KLHDC2: variants seen among roughly 807,000 people sequenced by gnomAD.
The protein encoded by KLHDC2 is kelch domain-containing protein 2.
In KLHDC2, 38 loss-of-function variants were observed where a neutral mutation model predicts 62.3. The ratio of observed to expected loss-of-function variants is 0.61; its 90% CI spans 0.47 to 0.80. The LOEUF (loss-of-function observed/expected upper bound fraction) is 0.80, where lower values mean the gene tolerates loss of function less well. KLHDC2 is among the 30% of genes least tolerant of loss of function. KLHDC2 has a pLI of 0.00. For synonymous variants in KLHDC2, 159 were observed against 161.0 expected, an observed-to-expected ratio of 0.99 and a Z score of 0.09; for missense variants, 430 against 495.3, an observed-to-expected ratio of 0.87 and a Z score of 1.25.
At position 49,768,840 on chromosome 14, in the gene KLHDC2, A is replaced by T. The variant is rs546339562; in HGVS notation, c.153+219A>T. The T allele has an allele frequency of 1.0e-4, 51 of 506,026 alleles. No individual in the cohort carries two copies. In the Middle Eastern group the frequency reaches 2.6e-3, roughly 26 times the overall value. 31.3% of individuals were successfully genotyped at this position (506,026 alleles called of 1,614,324 possible). The stretch of plus-strand genomic sequence containing the variant: ...GTCTCGAACCTCCAGGGCTGCTGTC[A>T]TGTCACCCTGGTGCTCACAAAGCCA... On this transcript the variant is annotated intron_variant, in intron 1 of 12. Transcript: ENST00000298307.
In KLHDC2 at chr14:49,778,247, A is replaced by G. The variant is rs1336377084; in HGVS notation, c.537A>G (p.Glu179=). The G allele has an allele frequency of 6.2e-7, 1 of 1,605,456 alleles. No homozygotes were observed. Among genetic ancestry groups the G allele is most frequent in the South Asian group, 1.1e-5 (1 of 90,170 alleles). The change falls in exon 5 of 13, where the codon GAA becomes GAG. Residue 179 remains glutamate, a synonymous_variant. Transcript: ENST00000298307. ...TATTGGGAACTTTTGAATTCGATGA[A>G]ACATCTTTTTGGGTAAGTGAAGTTT... ...DKVLGTFEFD[E]TSFWNSSHPR...
rs376242411 is a variant in KLHDC2, at chr14:49,780,258, A to C, written c.819A>C (p.Leu273=). The change falls in exon 9 of 13, where the codon CTA becomes CTC. Residue 273 remains leucine, a synonymous_variant. Transcript: ENST00000298307. Reference sequence around the variant, plus strand: ...CAGTTGGTCGATCTTGGCACTCACTAACACCAGTTTCTTCAGATCATCTTT... The same window carrying C: ...CAGTTGGTCGATCTTGGCACTCACTCACACCAGTTTCTTCAGATCATCTTT... ...ICPVGRSWHS[L]TPVSSDHLFL... The C allele has an allele frequency of 9.5e-5, 153 of 1,613,794 alleles. No individual in the cohort carries two copies. Among genetic ancestry groups the C allele is most frequent in the Non-Finnish European group, 1.2e-4 (147 of 1,179,804 alleles).
chr14:49,785,536 A>C lies in KLHDC2; in HGVS notation c.*2583A>C, dbSNP rs1890130735. On this transcript the variant is annotated 3_prime_UTR_variant, in exon 13 of 13. Transcript: ENST00000298307. Reference sequence around the variant, plus strand: ...CTTTACTACTTAATTTTTGCCTAGCATAATAAGTAATGAGAACAATAATTT... The same window carrying C: ...CTTTACTACTTAATTTTTGCCTAGCCTAATAAGTAATGAGAACAATAATTT... 8.4e-6 allele frequency: 4 copies of C among 474,236 alleles called. No homozygotes were observed. Among genetic ancestry groups the C allele is most frequent in the South Asian group, 6.8e-5 (3 of 44,314 alleles). 29.4% of individuals were successfully genotyped at this position (474,236 alleles called of 1,614,324 possible). A position where few individuals can be genotyped will look rare whatever the true frequency, so the allele number is the denominator to read the frequency against.
At chr14:49,776,250 CAACTT>C (rs1194503886) in intron 3 of KLHDC2, among the ~76,000 whole-genome samples, 5 of 152,130 alleles carry the variant, frequency 3.3e-5, no homozygotes, top group African/African-American at 1.2e-4. Context: ...ATAACTGACA[CAACTT>C]AAAAGCTTGG....
chr14:49,778,596 A>C (rs1889821282), intron 6 of KLHDC2, 102 bp downstream of exon 6: 1 of 616,242 alleles, frequency 1.6e-6, no homozygotes, highest in African/African-American at 1.9e-5. Context: ...ATACTGTGAA[A>C]GTGACAGTTC....
At chr14:49,780,656 A>G (rs908180777) in intron 9 of KLHDC2, 47 bp from the exon 10 acceptor site, 1 of 1,198,368 alleles carries the variant, frequency 8.3e-7, no homozygotes, top group Non-Finnish European at 1.2e-6. Flanking sequence ...TTAAATGTCA[A>G]TGTCATATTG....
At chr14:49,779,896 TTTTC>T (rs1182622678) in intron 8 of KLHDC2, 90 bp downstream of exon 8, 31 of 897,296 alleles carry the variant, frequency 3.5e-5, no homozygotes, top group Admixed American at 1.4e-4. Context: ...CTTGCTTAAC[TTTTC>T]TTTAACTATG....
intron 2 of KLHDC2, among the ~76,000 whole-genome samples, chr14:49,774,186 T>C (rs1209837570): frequency 6.6e-6 from 1 of 152,250 alleles, no homozygotes; most frequent in African/African-American, 2.4e-5. Context: ...GCACTGGGAA[T>C]GTTGAGGTTT....
Position 49,785,754 on chromosome 14 carries a change from G to T in KLHDC2, c.*2801G>T, listed in dbSNP as rs534019939. On this transcript the variant is annotated 3_prime_UTR_variant, in exon 13 of 13. Transcript: ENST00000298307. ...AATATAAAAGTTAGCTGGGTATAGT[G>T]GGTGCCTGTAGTCCCAGCTACTCGG... 48 of 174,658 alleles carry T rather than the reference G, an allele frequency of 2.7e-4. No homozygotes were observed. In the South Asian group the frequency reaches 5.8e-3, roughly 21 times the overall value. 10.8% of individuals were successfully genotyped at this position (174,658 alleles called of 1,614,324 possible).
intron 3 of KLHDC2, among the ~76,000 whole-genome samples, chr14:49,776,511 T>A (rs1889776183): frequency 6.6e-6 from 1 of 152,222 alleles, no homozygotes; most frequent in Non-Finnish European, 1.5e-5. Flanking sequence ...TTAAGTCAAT[T>A]AACTCTTTAA....
rs759485434 is a variant in KLHDC2, at chr14:49,774,523, C to G, written c.234-38C>G. Reference sequence around the variant, plus strand: ...AAATTAATAGACTTTTGCATTTCTTCCCTTTAACTTACATACATTTAATTT... The same window carrying G: ...AAATTAATAGACTTTTGCATTTCTTGCCTTTAACTTACATACATTTAATTT... On this transcript the variant is annotated intron_variant, in intron 2 of 12. Transcript: ENST00000298307. The G allele has an allele frequency of 2.4e-6, 3 of 1,242,464 alleles. No homozygotes were observed. The African/African-American group carries it at 4.5e-5, about 18-fold the overall frequency. The allele number at this position is 1,242,464 out of a possible 1,614,324, so 77.0% of individuals were successfully genotyped here.
chr14:49,783,109 T>A lies in KLHDC2; in HGVS notation c.*156T>A. ...GGCCTAGAGAACCTATTTTTGTGTC[T>A]AAAGTTTACAATAAATGTATTTAAC... On this transcript the variant is annotated 3_prime_UTR_variant, in exon 13 of 13. Coordinates refer to ENST00000298307, the MANE Select transcript of KLHDC2 (RefSeq NM_014315.3). The A allele has an allele frequency of 1.7e-6, 1 of 598,486 alleles. No individual in the cohort carries two copies. The highest frequency in any genetic ancestry group is 2.7e-6 in the Non-Finnish European group (1 of 369,804). 37.1% of individuals were successfully genotyped at this position (598,486 alleles called of 1,614,324 possible).
rs1890117622 is a variant in KLHDC2 at position 49,785,336 on chromosome 14, A to G, written c.*2383A>G. On this transcript the variant is annotated 3_prime_UTR_variant, in exon 13 of 13. Transcript: ENST00000298307. ...ATAGGTTTTCCTAAAAAGGGAAAAT[A>G]ACAGTTACAAAGGCAATTTATACCG... The G allele has an allele frequency of 6.3e-7, 1 of 1,585,782 alleles. No individual in the cohort carries two copies. Among genetic ancestry groups the G allele is most frequent in the East Asian group, 2.2e-5 (1 of 44,692 alleles).
At position 49,768,355 on chromosome 14, in the gene KLHDC2, T is replaced by A; in HGVS notation, c.-114T>A. The A allele has an allele frequency of 8.0e-7, 1 of 1,242,806 alleles. No homozygotes were observed. The allele number at this position is 1,242,806 out of a possible 1,614,324, so 77.0% of individuals were successfully genotyped here. A position where few individuals can be genotyped will look rare whatever the true frequency, so the allele number is the denominator to read the frequency against. On this transcript the variant is annotated 5_prime_UTR_variant, in exon 1 of 13. Coordinates refer to ENST00000298307, the MANE Select transcript of KLHDC2 (RefSeq NM_014315.3). ...GCAGAGAGGCCTCAACGCCGTCCCT[T>A]TCGCCACCGCCTTTTCCTTGCCTCG...
rs1285118027 is a variant in KLHDC2 at position 49,785,462 on chromosome 14, ACT to A, written c.*2512_*2513del. 3 of 631,204 alleles carry A rather than the reference ACT, an allele frequency of 4.8e-6. No homozygotes were observed. Among genetic ancestry groups the A allele is most frequent in the African/African-American group, 1.8e-5 (1 of 54,710 alleles). The allele number at this position is 631,204 out of a possible 1,614,324, so 39.1% of individuals were successfully genotyped here. On this transcript the variant is annotated 3_prime_UTR_variant, in exon 13 of 13. Transcript: ENST00000298307. ...TCTAAGCTGGAACAGTGGTACTTAAACTCTGCTTCATAGTTCCAAAGAGTTGA... is the reference window on the plus strand; with the variant it reads ...TCTAAGCTGGAACAGTGGTACTTAAACTGCTTCATAGTTCCAAAGAGTTGA...
intron 1 of KLHDC2, 25 bp downstream of exon 1, chr14:49,768,646 G>A (rs775937453): frequency 1.9e-5 from 30 of 1,556,372 alleles, no homozygotes; most frequent in Non-Finnish European, 2.5e-5. Context: ...GGGCCGCGAC[G>A]GACGTCGCTC....
In KLHDC2 at chr14:49,784,959, G is replaced by A. The variant is rs985774635; in HGVS notation, c.*2006G>A. 3 of 1,613,696 alleles carry A rather than the reference G, an allele frequency of 1.9e-6. No individual in the cohort carries two copies. Among genetic ancestry groups the A allele is most frequent in the Non-Finnish European group, 2.5e-6 (3 of 1,179,888 alleles). Reference sequence around the variant, plus strand: ...GCGGAATAAGTCTTTTTCTCTTGCTGTTGCTTCTTTGGAATGCATGAAACT... The same window carrying A: ...GCGGAATAAGTCTTTTTCTCTTGCTATTGCTTCTTTGGAATGCATGAAACT... On this transcript the variant is annotated 3_prime_UTR_variant, in exon 13 of 13. Transcript: ENST00000298307.
chr14:49,775,475 T>C (rs1366838210), intron 3 of KLHDC2, among the ~76,000 whole-genome samples: 2 of 152,156 alleles, frequency 1.3e-5, no homozygotes, highest in African/African-American at 4.8e-5. Context: ...TCAGTAAGTA[T>C]TGTTGAAACT....
chr14:49,784,857 CAAAA>C lies in KLHDC2; in HGVS notation c.*1907_*1910del, dbSNP rs1223231213. 1 of 1,470,050 alleles carries C rather than the reference CAAAA, an allele frequency of 6.8e-7. No homozygotes were observed. The highest frequency in any genetic ancestry group is 9.4e-7 in the Non-Finnish European group (1 of 1,059,674). 91.1% of individuals were successfully genotyped at this position (1,470,050 alleles called of 1,614,324 possible). On this transcript the variant is annotated 3_prime_UTR_variant, in exon 13 of 13. Transcript: ENST00000298307. ...AAGACAGCATTTTCTACTAAAATAA[CAAAA>C]AACTGCTAACATTTTAAATTGTACT... is the stretch of plus-strand genomic sequence containing the variant.
Sources: allele counts gnomAD v4.1 joint callset (sites outside exome capture counted in the v4.1 genomes callset), GRCh38; gene constraint gnomAD v4.1.1; transcripts MANE v1.5; gene names NCBI Gene and HGNC (gene_info 2026-07-23, HGNC 2026-07-21).